The following BIRC6 variants were observed in gnomAD, a reference collection of about 807,000 sequenced individuals.
BIRC6 encodes the protein baculoviral IAP repeat containing 6.
Under a neutral mutation model 503.3 loss-of-function variants are expected in BIRC6, and 98 were observed. The observed-to-expected ratio is 0.19, with a 90% CI of 0.17 to 0.23. BIRC6 has a LOEUF of 0.23. Ranked by LOEUF, BIRC6 falls within the 10% of genes least tolerant of loss-of-function variation. BIRC6 has a pLI of 1.00. For synonymous variants in BIRC6, 2,240 were observed against 2,078.7 expected (o/e 1.08, Z -2.11); for missense variants, 5,360 against 5,806.0 (o/e 0.92, Z 2.50).
At chr2:32,544,022 G>C (rs1195741723) in intron 62 of BIRC6, among the ~76,000 whole-genome samples, 2 of 152,138 alleles carry the variant, frequency 1.3e-5, no homozygotes, top group African/African-American at 2.4e-5. Flanking sequence ...ATTAGATTTA[G>C]GTTGGGATGA....
At chr2:32,529,540 T>C (rs2056562266) in intron 59 of BIRC6, 111 bp from the exon 60 acceptor site, 1 of 999,116 alleles carries the variant, frequency 1.0e-6, no homozygotes, top group African/African-American at 1.7e-5. Context: ...TGTTTTGAAA[T>C]TGGTTTCAGA....
At position 32,423,060 on chromosome 2, in the gene BIRC6, C is replaced by A. The variant is rs1485690286; in HGVS notation, c.2873-6086C>A. Among the ~76,000 whole-genome samples, 4 of 152,168 alleles carry A rather than the reference C, an allele frequency of 2.6e-5. No individual in the cohort carries two copies. In the East Asian group the frequency reaches 7.7e-4, roughly 29 times the overall value. On this transcript the variant is annotated intron_variant, in intron 10 of 73. Coordinates refer to ENST00000421745, the MANE Select transcript of BIRC6 (RefSeq NM_016252.4). Reference sequence around the variant, plus strand: ...TCAAGTGATTCTCCTGCCTCAGCCTCCCAAGGTTAGCTGGGATTACAGGCG... The same window carrying A: ...TCAAGTGATTCTCCTGCCTCAGCCTACCAAGGTTAGCTGGGATTACAGGCG...
chr2:32,442,388 G>A lies in BIRC6; in HGVS notation c.4171G>A (p.Val1391Ile), dbSNP rs1196620482. Residue 1391 changes from valine to isoleucine, a missense_variant, in exon 19 of 74, where the codon GTT becomes ATT. This residue lies in a region of BIRC6 where 2,299 missense variants were observed against 2,267.2 expected (regional missense o/e 1.01). Coordinates refer to ENST00000421745, the MANE Select transcript of BIRC6 (RefSeq NM_016252.4). ...AAAATTTCTGTCAGACATCGTACGT[G>A]TTTGCTTCTTTGAGGCAGGACGAAG... ...TRKFLSDIVR[V>I]CFFEAGRSIA... The A allele has an allele frequency of 6.2e-7, 1 of 1,611,830 alleles. No individual in the cohort carries two copies. Among genetic ancestry groups the A allele is most frequent in the Non-Finnish European group, 8.5e-7 (1 of 1,178,880 alleles).
intron 53 of BIRC6, among the ~76,000 whole-genome samples, chr2:32,512,395 T>C (rs1190750773): frequency 6.6e-6 from 1 of 152,182 alleles, no homozygotes; most frequent in African/African-American, 2.4e-5. Flanking sequence ...CTCCAGGAGA[T>C]TGGGATTAGT....
At chr2:32,404,529 G>A (rs537427143) in intron 8 of BIRC6, among the ~76,000 whole-genome samples, 1 of 151,874 alleles carries the variant, frequency 6.6e-6, no homozygotes, top group African/African-American at 2.4e-5. Flanking sequence ...GGCCAGGCTG[G>A]TCTCAAACTC....
Position 32,531,365 on chromosome 2 carries a change from C to T in BIRC6, c.12105C>T (p.Asp4035=). The T allele has an allele frequency of 6.2e-7, 1 of 1,611,012 alleles. No individual in the cohort carries two copies. Among genetic ancestry groups the T allele is most frequent in the Non-Finnish European group, 8.5e-7 (1 of 1,178,170 alleles). Residue 4035 remains aspartate (D), a synonymous_variant, in exon 61 of 74, where the codon GAC becomes GAT. Coordinates refer to ENST00000421745, the MANE Select transcript of BIRC6 (RefSeq NM_016252.4). The stretch of plus-strand genomic sequence containing the variant: ...TAATTTATTGTCTAGATCATGGAGA[C>T]TTACTTGCTAGCTGTCCAGAAGATG... ...KRLHPEKDHG[D]LLASCPEDEA...
chr2:32,468,899 G>T, intron 29 of BIRC6, 116 bp downstream of exon 29: 1 of 778,124 alleles, frequency 1.3e-6, no homozygotes. Context: ...TTTAAAAAAT[G>T]TCAGTATTTA....
Position 32,416,090 on chromosome 2 carries a change from C to A in BIRC6, c.2799C>A (p.Gly933=), listed in dbSNP as rs1216456880. The change falls in exon 10 of 74, where the codon GGC becomes GGA. Residue 933 remains glycine (G), a synonymous_variant. Coordinates refer to ENST00000421745, the MANE Select transcript of BIRC6 (RefSeq NM_016252.4). ...AAGTGGAGCCTCCCAAAAAGGAGGG[C>A]ACTGAGGAACAGGACACATTTGTTT... ...LAKVEPPKKE[G]TEEQDTFVSV... is the part of the protein sequence containing the mutation. 1.1e-5 allele frequency: 18 copies of A among 1,613,672 alleles called. No individual in the cohort carries two copies. Among genetic ancestry groups the A allele is most frequent in the Non-Finnish European group, 1.4e-5 (17 of 1,179,846 alleles).
rs1314414685 is a variant in BIRC6 at position 32,515,128 on chromosome 2, T to A, written c.10707T>A (p.Pro3569=). 1.2e-6 allele frequency: 2 copies of A among 1,613,996 alleles called. No homozygotes were observed. Among genetic ancestry groups the A allele is most frequent in the Admixed American group, 1.7e-5 (1 of 60,016 alleles). ...TGGGCTGGATGGGAATTACCCCTCCTCCAGTGCAATGTCATCATAGACTGT... is the reference window on the plus strand; with the variant it reads ...TGGGCTGGATGGGAATTACCCCTCCACCAGTGCAATGTCATCATAGACTGT... The part of the protein sequence containing the change: ...LLMGWMGITP[P]PVQCHHRLSM... Residue 3569 remains proline, a synonymous_variant, in exon 55 of 74, where the codon CCT becomes CCA. Transcript: ENST00000421745.
chr2:32,378,137 T>C (rs1188485623), intron 2 of BIRC6, among the ~76,000 whole-genome samples: 1 of 152,102 alleles, frequency 6.6e-6, no homozygotes, highest in Non-Finnish European at 1.5e-5. Context: ...AGACAGCTGC[T>C]CTAGGTGTCA....
chr2:32,408,094 A>G (rs2041446288), intron 9 of BIRC6, among the ~76,000 whole-genome samples: 2 of 152,026 alleles, frequency 1.3e-5, no homozygotes, highest in Non-Finnish European at 2.9e-5. Flanking sequence ...CAGCCTCGTG[A>G]GTAGCTGGGA....
intron 37 of BIRC6, 53 bp from the exon 38 acceptor site, chr2:32,481,267 C>T: frequency 7.1e-7 from 1 of 1,402,760 alleles, no homozygotes; most frequent in Non-Finnish European, 9.4e-7. Flanking sequence ...ATTATGTCAT[C>T]TAAATTTTAT....
intron 22 of BIRC6, among the ~76,000 whole-genome samples, chr2:32,453,603 ATC>A (rs1490193132): frequency 1.3e-5 from 2 of 152,174 alleles, no homozygotes; most frequent in East Asian, 3.8e-4. Flanking sequence ...AGTTGCTTTT[ATC>A]CAAATCTGCT....
chr2:32,360,462 A>G (rs975522374), intron 1 of BIRC6, among the ~76,000 whole-genome samples: 1 of 152,202 alleles, frequency 6.6e-6, no homozygotes, highest in Admixed American at 6.5e-5. Context: ...GAGCTGCGTG[A>G]TCTGGCTTTT....
At chr2:32,466,691 A>G (rs2048575274) in intron 26 of BIRC6, among the ~76,000 whole-genome samples, 1 of 152,208 alleles carries the variant, frequency 6.6e-6, no homozygotes, top group Non-Finnish European at 1.5e-5. Context: ...AATATACTGC[A>G]TTTGCTGATT....
intron 12 of BIRC6, among the ~76,000 whole-genome samples, chr2:32,432,386 C>T (rs2044224777): frequency 6.6e-6 from 1 of 152,130 alleles, no homozygotes; most frequent in Non-Finnish European, 1.5e-5. Flanking sequence ...CACTGCACTC[C>T]AGCCTGGGCT....
chr2:32,412,481 T>C (rs902746539), intron 9 of BIRC6, among the ~76,000 whole-genome samples: 1 of 151,098 alleles, frequency 6.6e-6, no homozygotes, highest in African/African-American at 2.4e-5. Context: ...TGGGTGGCAA[T>C]AGTGAGACTT....
chr2:32,567,214 C>T (rs542018273), intron 65 of BIRC6, among the ~76,000 whole-genome samples: 4 of 152,232 alleles, frequency 2.6e-5, no homozygotes, highest in Non-Finnish European at 4.4e-5. Flanking sequence ...AGGTGATCCA[C>T]CTGCCTCGGC....
At chr2:32,467,258 A>C (rs967676474) in intron 26 of BIRC6, among the ~76,000 whole-genome samples, 1 of 152,100 alleles carries the variant, frequency 6.6e-6, no homozygotes. Flanking sequence ...CAGGTCCCCC[A>C]GTAGCTGGGA....
Sources: gnomAD v4.1 joint callset for allele counts (sites outside exome capture counted in the v4.1 genomes callset) on GRCh38, gnomAD v4.1.1 for gene constraint, gnomAD v4.1.1 regional missense constraint, MANE v1.5 for transcripts, NCBI Gene and HGNC (gene_info 2026-07-23, HGNC 2026-07-21) for gene names.